The following KIZ variants were observed in gnomAD, a reference collection of about 807,000 sequenced individuals.
KIZ encodes centrosomal protein kizuna.
A neutral mutation model predicts 79.6 loss-of-function variants in KIZ; 68 were observed. The observed-to-expected ratio is 0.85, with a 90% CI of 0.70 to 1.05. The LOEUF (loss-of-function observed/expected upper bound fraction) is 1.05. Among genes scored for constraint, KIZ ranks in the 50% least tolerant of loss-of-function variants. The pLI is 0.00. For missense variants in KIZ, 797 were observed against 800.4 expected (o/e 1.00, Z 0.05); for synonymous variants, 280 against 281.8 (o/e 0.99, Z 0.06).
chr20:21,171,477 C>T (rs1024799056), intron 6 of KIZ, among the ~76,000 whole-genome samples: 1 of 152,200 alleles, frequency 6.6e-6, no homozygotes, highest in Admixed American at 6.5e-5. Context: ...CAGGGTCACA[C>T]TCTGTTGCCC....
intron 11 of KIZ, among the ~76,000 whole-genome samples, chr20:21,238,606 C>G (rs1184586191): frequency 6.6e-6 from 1 of 152,144 alleles, no homozygotes; most frequent in Non-Finnish European, 1.5e-5. Flanking sequence ...TTGATGAGAG[C>G]TCTTGGCACA....
intron 11 of KIZ, 66 bp from the exon 12 acceptor site, chr20:21,244,179 A>G: frequency 5.3e-6 from 6 of 1,131,736 alleles, no homozygotes; most frequent in South Asian, 2.6e-5. Context: ...TAATGCGTTC[A>G]TTATGAAAAT....
At chr20:21,130,984 T>C (rs1026924438) in intron 1 of KIZ, among the ~76,000 whole-genome samples, 2 of 152,240 alleles carry the variant, frequency 1.3e-5, no homozygotes, top group Non-Finnish European at 1.5e-5. Context: ...GCCTTTTGTT[T>C]AGGATTCTTT....
intron 11 of KIZ, among the ~76,000 whole-genome samples, chr20:21,235,276 C>T (rs1250045597): frequency 6.6e-6 from 1 of 152,144 alleles, no homozygotes; most frequent in Non-Finnish European, 1.5e-5. Context: ...TTTTTCAGAG[C>T]AGCAGCTTCA....
At chr20:21,140,604 T>C (rs775329593) in intron 3 of KIZ, among the ~76,000 whole-genome samples, 19 of 152,216 alleles carry the variant, frequency 1.2e-4, no homozygotes, top group Non-Finnish European at 2.1e-4. Context: ...TGACGTGTTA[T>C]GTAGTTTTGA....
At chr20:21,130,934 C>T (rs768346099) in intron 1 of KIZ, among the ~76,000 whole-genome samples, 1 of 152,232 alleles carries the variant, frequency 6.6e-6, no homozygotes, top group Non-Finnish European at 1.5e-5. Flanking sequence ...GGAAGCCAAC[C>T]TGAGATCACC....
At chr20:21,146,353 C>T (rs1401099606) in intron 4 of KIZ, among the ~76,000 whole-genome samples, 2 of 152,220 alleles carry the variant, frequency 1.3e-5, no homozygotes, top group Admixed American at 6.5e-5. Context: ...GGTAGCATCA[C>T]TCCATTATTC....
chr20:21,166,358 G>A (rs894490271), intron 6 of KIZ: 28 of 1,603,576 alleles, frequency 1.7e-5, no homozygotes, highest in Non-Finnish European at 1.8e-5. Flanking sequence ...TGAGTTGCAC[G>A]TCAAATCTGG....
intron 6 of KIZ, among the ~76,000 whole-genome samples, chr20:21,203,787 C>T (rs917266906): frequency 3.9e-5 from 6 of 151,952 alleles, no homozygotes; most frequent in Non-Finnish European, 8.8e-5. Flanking sequence ...TCTATTTTGT[C>T]TTTACTGTGG....
At chr20:21,175,862 A>G (rs895539782) in intron 6 of KIZ, among the ~76,000 whole-genome samples, 16 of 152,126 alleles carry the variant, frequency 1.1e-4, no homozygotes, top group Admixed American at 1.0e-3. Flanking sequence ...CAAAAAATAC[A>G]AAAATTAGCC....
intron 9 of KIZ, among the ~76,000 whole-genome samples, chr20:21,223,562 T>G (rs1306614615): frequency 2.6e-5 from 4 of 152,136 alleles, no homozygotes; most frequent in Non-Finnish European, 5.9e-5. Context: ...CCCAAACTTG[T>G]GTATCTTCCT....
At chr20:21,216,790 A>G (rs1329395659) in intron 9 of KIZ, among the ~76,000 whole-genome samples, 1 of 152,196 alleles carries the variant, frequency 6.6e-6, no homozygotes, top group Admixed American at 6.5e-5. Flanking sequence ...ATTTATTTCA[A>G]TTAAAATTAC....
intron 9 of KIZ, among the ~76,000 whole-genome samples, chr20:21,220,620 A>G (rs922681117): frequency 2.6e-5 from 4 of 151,926 alleles, no homozygotes; most frequent in Admixed American, 6.6e-5. Flanking sequence ...AGTAGCTGGG[A>G]TTACAGGCAT....
intron 9 of KIZ, among the ~76,000 whole-genome samples, chr20:21,228,401 G>A (rs1251956762): frequency 3.3e-5 from 5 of 152,154 alleles, no homozygotes; most frequent in African/African-American, 1.2e-4. Flanking sequence ...GCATGGCCAA[G>A]AGCATCCTAT....
At chr20:21,213,737 A>G (rs1408365270) in intron 7 of KIZ, 1 of 152,258 alleles carries the variant, frequency 6.6e-6, no homozygotes, top group African/African-American at 2.4e-5. Flanking sequence ...AGACTTGGCT[A>G]CTAACCCCAG....
At chr20:21,204,448 T>A (rs1402421796) in intron 6 of KIZ, among the ~76,000 whole-genome samples, 1 of 152,010 alleles carries the variant, frequency 6.6e-6, no homozygotes, top group Admixed American at 6.5e-5. Flanking sequence ...CAAAGGTTTA[T>A]ATTTTTATTT....
intron 4 of KIZ, among the ~76,000 whole-genome samples, chr20:21,150,425 C>A (rs891613206): frequency 1.3e-5 from 2 of 152,212 alleles, no homozygotes; most frequent in Admixed American, 1.3e-4. Flanking sequence ...CAACTATAAA[C>A]AACACAAAAA....
chr20:21,229,124 G>C lies in KIZ; in HGVS notation c.1783+9G>C. The C allele has an allele frequency of 6.5e-7, 1 of 1,529,296 alleles. No individual in the cohort carries two copies. Among genetic ancestry groups the C allele is most frequent in the Non-Finnish European group, 9.1e-7 (1 of 1,104,968 alleles). The allele number at this position is 1,529,296 out of a possible 1,614,324, so 94.7% of individuals were successfully genotyped here. A position where few individuals can be genotyped will look rare whatever the true frequency, so the allele number is the denominator to read the frequency against. ...TGTGTCACACTTGTCAGGTAAGTAA[G>C]AGCAGATGGCAGTGTCCAGGGGCCC... On this transcript the variant is annotated intron_variant, in intron 10 of 12. Transcript: ENST00000619189.
intron 9 of KIZ, chr20:21,226,058 C>T (rs2036643925): frequency 1.3e-5 from 2 of 152,236 alleles, no homozygotes; most frequent in Admixed American, 1.3e-4. Context: ...AAAAGTTGCT[C>T]ACTACCATCT....
Sources: gnomAD v4.1 joint callset for allele counts (sites outside exome capture counted in the v4.1 genomes callset) on GRCh38, gnomAD v4.1.1 for gene constraint, MANE v1.5 for transcripts, NCBI Gene and HGNC (gene_info 2026-07-23, HGNC 2026-07-21) for gene names.